KCTD1: variants seen among roughly 807,000 people sequenced by gnomAD.
KCTD1 encodes the protein potassium channel tetramerization domain containing 1.
A neutral mutation model predicts 66.0 loss-of-function variants in KCTD1; 24 were observed. The observed-to-expected ratio is 0.36, with a 90% confidence interval of 0.26 to 0.51. The LOEUF is 0.51. KCTD1 is among the 20% of genes least tolerant of loss of function. The pLI, the probability that KCTD1 is intolerant of heterozygous loss-of-function variation, is 0.95. For missense variants in KCTD1, 943 were observed against 1,205.2 expected (o/e 0.78, Z 3.22); for synonymous variants, 511 against 517.2 (o/e 0.99, Z 0.16).
chr18:26,459,312 C>A, intron 4 of KCTD1: 1 of 295,442 alleles, frequency 3.4e-6, no homozygotes. Flanking sequence ...TGAACCTGAA[C>A]TCCTGGGCTC....
intron 2 of KCTD1, among the ~76,000 whole-genome samples, chr18:26,481,933 C>T (rs757933430): frequency 2.0e-5 from 3 of 152,144 alleles, no homozygotes; most frequent in Admixed American, 6.5e-5. Flanking sequence ...GAGAGACCAA[C>T]GAGGAGGCAA....
intron 1 of KCTD1, among the ~76,000 whole-genome samples, chr18:26,654,454 TA>T (rs1988090996): frequency 6.6e-6 from 1 of 152,116 alleles, no homozygotes; most frequent in Admixed American, 6.5e-5. Context: ...ATTACTTAAG[TA>T]AATATGAAAC....
chr18:26,563,214 C>A (rs1273716750), intron 1 of KCTD1, among the ~76,000 whole-genome samples: 3 of 152,188 alleles, frequency 2.0e-5, no homozygotes, highest in Non-Finnish European at 4.4e-5. Flanking sequence ...GCAGCACCAC[C>A]CACAGGAGAG....
intron 3 of KCTD1, among the ~76,000 whole-genome samples, chr18:26,469,015 A>G (rs545699879): frequency 1.2e-4 from 18 of 152,176 alleles, no homozygotes; most frequent in Admixed American, 1.0e-3. Flanking sequence ...ATGCAATTCC[A>G]TCACCAGCCA....
chr18:26,499,234 T>G (rs2144674727), intron 2 of KCTD1, among the ~76,000 whole-genome samples: 1 of 152,332 alleles, frequency 6.6e-6, no homozygotes, highest in Non-Finnish European at 1.5e-5. Flanking sequence ...ACCCTAGAAT[T>G]AAATTCATCT....
intron 1 of KCTD1, among the ~76,000 whole-genome samples, chr18:26,646,572 A>G (rs1448373622): frequency 6.6e-6 from 1 of 152,228 alleles, no homozygotes; most frequent in Non-Finnish European, 1.5e-5. Flanking sequence ...GCTGTCAAAA[A>G]TAACTCAGCT....
chr18:26,618,093 G>T lies in KCTD1; in HGVS notation c.-16+11054C>A, dbSNP rs1987297120. Among the ~76,000 whole-genome samples the T allele has an allele frequency of 3.4e-5, 5 of 148,448 alleles. No homozygotes were observed. The South Asian group carries it at 6.4e-4, about 19-fold the overall frequency. Reference sequence around the variant, plus strand: ...GAACTTGGGTAAATAAGAAGACCTAGGTTTAAAAAAAAACAAAAAAGACTC... The same window carrying T: ...GAACTTGGGTAAATAAGAAGACCTATGTTTAAAAAAAAACAAAAAAGACTC... On this transcript the variant is annotated intron_variant, in intron 1 of 4. Transcript: ENST00000317932.
At chr18:26,463,932 C>T (rs1393794812) in intron 3 of KCTD1, among the ~76,000 whole-genome samples, 5 of 152,168 alleles carry the variant, frequency 3.3e-5, no homozygotes, top group African/African-American at 1.2e-4. Flanking sequence ...CCCTAAGATC[C>T]TGAGGACAGG....
upstream of KCTD1, among the ~76,000 whole-genome samples, chr18:26,550,565 G>GACAGAC (rs1985517746): frequency 7.1e-6 from 1 of 140,490 alleles, no homozygotes; most frequent in Non-Finnish European, 1.5e-5. The surrounding 1 kb of genome is among the most constrained non-coding windows in gnomAD (Gnocchi z 5.4). Context: ...AAGACACACA[G>GACAGAC]ACACACACAC....
At chr18:26,597,144 G>A (rs894222414) in intron 1 of KCTD1, among the ~76,000 whole-genome samples, 31 of 152,140 alleles carry the variant, frequency 2.0e-4, no homozygotes, top group African/African-American at 6.8e-4. Flanking sequence ...TGTGGGAGGG[G>A]AAACTGGCTC....
chr18:26,657,205 C>G (rs1384939006), intron 1 of KCTD1, among the ~76,000 whole-genome samples: 2 of 150,978 alleles, frequency 1.3e-5, no homozygotes, highest in African/African-American at 2.4e-5. Context: ...CGGGTCCAAG[C>G]GGATTCCTAG....
At chr18:26,512,093 G>A (rs59767864) in intron 1 of KCTD1, among the ~76,000 whole-genome samples, 6,245 of 152,146 alleles carry the variant, frequency 0.041, 210 homozygotes, top group African/African-American at 0.092. Flanking sequence ...TTGAGTCTCT[G>A]GGAACCTCCT....
At chr18:26,532,614 G>A (rs747143010) in intron 1 of KCTD1, among the ~76,000 whole-genome samples, 4 of 152,108 alleles carry the variant, frequency 2.6e-5, no homozygotes, top group South Asian at 2.1e-4. Flanking sequence ...TCTCTGGGCC[G>A]CCATCTCCTC....
At chr18:26,465,715 C>G (rs1980689081) in intron 3 of KCTD1, among the ~76,000 whole-genome samples, 1 of 152,194 alleles carries the variant, frequency 6.6e-6, no homozygotes, top group Non-Finnish European at 1.5e-5. Context: ...TGAAACAACA[C>G]CCTGGCTTGG....
chr18:26,569,256 T>C (rs2144894241), intron 1 of KCTD1, among the ~76,000 whole-genome samples: 1 of 152,274 alleles, frequency 6.6e-6, no homozygotes, highest in East Asian at 1.9e-4. Context: ...AATCCAGGTA[T>C]TAAGATGCAG....
intron 1 of KCTD1, among the ~76,000 whole-genome samples, chr18:26,503,309 A>C (rs1050277222): frequency 2.6e-5 from 4 of 152,202 alleles, no homozygotes; most frequent in Non-Finnish European, 5.9e-5. Context: ...GTATTGGAAA[A>C]AAATAAAAAA....
rs150889848 is a variant in KCTD1, at chr18:26,563,081, C to T, written c.-15-61831G>A. On this transcript the variant is annotated intron_variant, in intron 1 of 4. Transcript: ENST00000317932. ...ACTCTGTAGTCCCCTTCCCTGCTTC[C>T]TCTCCTTTATGTCAAATCCATTCCA... 1.1e-3 allele frequency among the ~76,000 whole-genome samples: 167 copies of T among 152,294 alleles called. 1 individual carries two copies. The highest frequency in any genetic ancestry group is 3.5e-3 in the African/African-American group (144 of 41,558).
At chr18:26,515,825 A>G (rs1983627646) in intron 1 of KCTD1, among the ~76,000 whole-genome samples, 1 of 152,038 alleles carries the variant, frequency 6.6e-6, no homozygotes, top group Admixed American at 6.6e-5. Context: ...CAGGCCTTTC[A>G]TTTACCTGTG....
At chr18:26,478,263 T>C (rs954053460) in intron 2 of KCTD1, among the ~76,000 whole-genome samples, 1 of 152,234 alleles carries the variant, frequency 6.6e-6, no homozygotes, top group Non-Finnish European at 1.5e-5. Context: ...AAATCCATTA[T>C]CTTCATTTTA....
Sources: gnomAD v4.1 joint callset for allele counts (sites outside exome capture counted in the v4.1 genomes callset) on GRCh38, gnomAD v4.1.1 for gene constraint, Gnocchi (gnomAD v3.1) non-coding constraint, MANE v1.5 for transcripts, NCBI Gene and HGNC (gene_info 2026-07-23, HGNC 2026-07-21) for gene names.